SLCO1B3: variants seen among roughly 807,000 people sequenced by gnomAD.
The protein encoded by SLCO1B3 is liver-specific organic anion transporter 2.
SLCO1B3 carries 72 observed loss-of-function variants against 71.8 expected under a neutral mutation model. That is an observed-to-expected ratio of 1.00 (90% confidence interval 0.83 to 1.22). The LOEUF (loss-of-function observed/expected upper bound fraction) is 1.22, where lower values mean the gene tolerates loss of function less well. Ranked by LOEUF, SLCO1B3 falls within the 50% of genes most tolerant of loss-of-function variation. SLCO1B3 has a pLI of 0.00. For missense variants in SLCO1B3, 911 were observed against 819.7 expected, an observed-to-expected ratio of 1.11 and a Z score of -1.36; for synonymous variants, 298 against 278.4, an observed-to-expected ratio of 1.07 and a Z score of -0.70.
chr12:20,845,322 C>CCTTTTGTTTG (rs373371749), intron 3 of SLCO1B3: 231,560 of 289,988 alleles, frequency 0.8, 96,082 homozygotes, highest in South Asian at 0.93. Context: ...TGAGTAGAAA[C>CCTTTTGTTTG]ATCATCAGTC....
chr12:20,820,519 C>T (rs144490124), intron 3 of SLCO1B3, among the ~76,000 whole-genome samples: 91 of 152,184 alleles, frequency 6.0e-4, no homozygotes, highest in African/African-American at 2.1e-3. Context: ...GAGGTTCAGG[C>T]GTTTGGAAGT....
chr12:20,880,722 TA>T, intron 11 of SLCO1B3, 132 bp from the exon 12 acceptor site: 1 of 558,334 alleles, frequency 1.8e-6, no homozygotes, highest in Admixed American at 4.0e-5. Flanking sequence ...CCCTTTCTCT[TA>T]TTTCTCTTCT....
intron 15 of SLCO1B3, among the ~76,000 whole-genome samples, chr12:20,908,658 G>A (rs1866305237): frequency 6.6e-6 from 1 of 152,128 alleles, no homozygotes; most frequent in Non-Finnish European, 1.5e-5. Flanking sequence ...TTTCAGAGTA[G>A]CTTCTTTAAC....
chr12:20,815,535 G>C, intron 2 of SLCO1B3, 139 bp from the exon 3 acceptor site: 1 of 461,088 alleles, frequency 2.2e-6, no homozygotes, highest in African/African-American at 2.0e-5. Flanking sequence ...CATTGACCTA[G>C]TCCTGTGGTC....
At chr12:20,912,866 T>C (rs186901601) in intron 15 of SLCO1B3, among the ~76,000 whole-genome samples, 3 of 68,312 alleles carry the variant, frequency 4.4e-5, no homozygotes, top group Non-Finnish European at 9.3e-5. Context: ...GGTTTCACCA[T>C]GTTGTTCACC....
At chr12:20,824,930 A>G (rs1254242867) in intron 3 of SLCO1B3, among the ~76,000 whole-genome samples, 3 of 152,156 alleles carry the variant, frequency 2.0e-5, no homozygotes, top group Non-Finnish European at 4.4e-5. Context: ...GAAATCATTC[A>G]TTTAGTCAAA....
At chr12:20,827,477 C>T (rs1006277701) in intron 3 of SLCO1B3, among the ~76,000 whole-genome samples, 2 of 152,068 alleles carry the variant, frequency 1.3e-5, no homozygotes, top group South Asian at 2.1e-4. Flanking sequence ...CACATAAATA[C>T]GTAGACTTAT....
At chr12:20,885,832 T>A (rs1242679548) in intron 13 of SLCO1B3, among the ~76,000 whole-genome samples, 1 of 151,976 alleles carries the variant, frequency 6.6e-6, no homozygotes, top group East Asian at 1.9e-4. Context: ...TTATTCTAAG[T>A]GTGTTCAGAA....
intron 9 of SLCO1B3, among the ~76,000 whole-genome samples, chr12:20,875,922 AAT>A (rs1468512981): frequency 6.6e-6 from 1 of 152,064 alleles, no homozygotes; most frequent in East Asian, 1.9e-4. Context: ...AGATCACTGT[AAT>A]AAAGTATCTT....
At chr12:20,865,093 C>T (rs73069234) in intron 8 of SLCO1B3, among the ~76,000 whole-genome samples, 9 of 152,130 alleles carry the variant, frequency 5.9e-5, no homozygotes, top group Non-Finnish European at 1.2e-4. Context: ...GTGTGAGCCA[C>T]GGGAAGCACT....
intron 6 of SLCO1B3, among the ~76,000 whole-genome samples, chr12:20,861,783 G>C (rs956417613): frequency 2.0e-5 from 3 of 152,068 alleles, no homozygotes; most frequent in Non-Finnish European, 2.9e-5. Context: ...ATTGCTGGGA[G>C]AGTATAAATT....
chr12:20,891,692 A>G (rs532012225), intron 13 of SLCO1B3, among the ~76,000 whole-genome samples: 9 of 152,178 alleles, frequency 5.9e-5, no homozygotes, highest in Admixed American at 1.3e-4. Flanking sequence ...CCATAATCCC[A>G]TATGTCCTGA....
At chr12:20,828,142 C>T (rs1864465692) in intron 3 of SLCO1B3, among the ~76,000 whole-genome samples, 1 of 152,084 alleles carries the variant, frequency 6.6e-6, no homozygotes. Context: ...CAAAGCTCCA[C>T]TGAATCCTAG....
intron 3 of SLCO1B3, among the ~76,000 whole-genome samples, chr12:20,841,057 T>C (rs1364041132): frequency 6.6e-6 from 1 of 152,182 alleles, no homozygotes; most frequent in African/African-American, 2.4e-5. Context: ...AACCTGAGGC[T>C]CTAGCAATTC....
intron 8 of SLCO1B3, among the ~76,000 whole-genome samples, chr12:20,868,938 CTT>C (rs1449365364): frequency 6.6e-6 from 1 of 152,062 alleles, no homozygotes; most frequent in Non-Finnish European, 1.5e-5. Context: ...ATATCAGAGA[CTT>C]TTAGTACTTT....
chr12:20,820,419 G>A (rs1194243984), intron 3 of SLCO1B3, among the ~76,000 whole-genome samples: 2 of 152,164 alleles, frequency 1.3e-5, no homozygotes, highest in African/African-American at 2.4e-5. Flanking sequence ...GGAATCCTGG[G>A]CTGCGGGCAT....
intron 15 of SLCO1B3, among the ~76,000 whole-genome samples, chr12:20,911,524 T>C (rs1203340418): frequency 6.6e-6 from 1 of 152,164 alleles, no homozygotes; most frequent in Non-Finnish European, 1.5e-5. Context: ...GTATAAATTC[T>C]TACTTAAGTG....
At chr12:20,850,256 T>TTTTTTTTA (rs1555154813) in intron 3 of SLCO1B3, among the ~76,000 whole-genome samples, 13,095 of 143,032 alleles carry the variant, frequency 0.092, 792 homozygotes, top group Middle Eastern at 0.21. Flanking sequence ...ATTATTATTA[T>TTTTTTTTA]TTTATTTATT....
chr12:20,824,265 T>A (rs1478982258), intron 3 of SLCO1B3, among the ~76,000 whole-genome samples: 1 of 152,202 alleles, frequency 6.6e-6, no homozygotes, highest in African/African-American at 2.4e-5. Flanking sequence ...TACAAGATTA[T>A]TTCAGTCTTC....
Sources: gnomAD v4.1 joint callset for allele counts (sites outside exome capture counted in the v4.1 genomes callset) on GRCh38, gnomAD v4.1.1 for gene constraint, MANE v1.5 for transcripts, NCBI Gene and HGNC (gene_info 2026-07-23, HGNC 2026-07-21) for gene names.